SPMIP4: variants seen among roughly 807,000 people sequenced by gnomAD.
SPMIP4 encodes the protein sperm microtubule inner protein 4.
the SPMIP4 span, chr7:25,142,702 G>C: frequency 3.1e-6 from 5 of 1,613,176 alleles, no homozygotes; most frequent in East Asian, 1.1e-4. Flanking sequence ...TTGTATGTTG[G>C]CTTCTTTGGC....
chr7:25,142,854 C>T, the SPMIP4 span: 1 of 1,400,218 alleles, frequency 7.1e-7, no homozygotes. Flanking sequence ...TTAATGTCAT[C>T]TAGTAGAATA....
At chr7:25,144,196 T>C in the SPMIP4 span, among the ~76,000 whole-genome samples, 13 of 152,348 alleles carry the variant, frequency 8.5e-5, no homozygotes, top group African/African-American at 3.1e-4. Flanking sequence ...CAAATGGAAG[T>C]CTGTATTCCA....
At chr7:25,140,854 T>G in the SPMIP4 span, among the ~76,000 whole-genome samples, 6 of 152,234 alleles carry the variant, frequency 3.9e-5, no homozygotes, top group Non-Finnish European at 7.3e-5. Context: ...CCCAAAGTGC[T>G]AGGATTACAG....
chr7:25,173,617 G>A, the SPMIP4 span, among the ~76,000 whole-genome samples: 2 of 152,146 alleles, frequency 1.3e-5, no homozygotes, highest in Admixed American at 6.5e-5. This position sits in a 1 kb window ranked among gnomAD's most constrained non-coding sequence, Gnocchi z 4.4. Context: ...AGACCTCTAC[G>A]TCCTCCCTAG....
chr7:25,149,457 G>C, the SPMIP4 span, among the ~76,000 whole-genome samples: 1 of 152,160 alleles, frequency 6.6e-6, no homozygotes, highest in Admixed American at 6.5e-5. Flanking sequence ...AACTTGATTA[G>C]AGTTAGGGAT....
At chr7:25,159,255 G>C in the SPMIP4 span, among the ~76,000 whole-genome samples, 1 of 152,180 alleles carries the variant, frequency 6.6e-6, no homozygotes, top group South Asian at 2.1e-4. Context: ...TTCTACCTTT[G>C]CTCTGTGTTG....
chr7:25,158,483 T>G, the SPMIP4 span: 2 of 1,590,338 alleles, frequency 1.3e-6, no homozygotes, highest in Non-Finnish European at 1.7e-6. Flanking sequence ...AGAAGGAAAA[T>G]ATAAGTTATT....
the SPMIP4 span, among the ~76,000 whole-genome samples, chr7:25,146,915 C>G: frequency 6.6e-6 from 1 of 152,174 alleles, no homozygotes; most frequent in African/African-American, 2.4e-5. Flanking sequence ...AAAGCTAAGG[C>G]TAGACATTCA....
At chr7:25,134,149 A>C in the SPMIP4 span, among the ~76,000 whole-genome samples, 5 of 152,004 alleles carry the variant, frequency 3.3e-5, no homozygotes. Context: ...AATCCCAGCT[A>C]CTTGGGAGGC....
the SPMIP4 span, among the ~76,000 whole-genome samples, chr7:25,163,226 A>C: frequency 1.3e-5 from 2 of 152,248 alleles, no homozygotes; most frequent in South Asian, 4.1e-4. This position sits in a 1 kb window ranked among gnomAD's most constrained non-coding sequence, Gnocchi z 4.4. Context: ...AATTAAAAAC[A>C]ATGTACCCAT....
At chr7:25,129,357 C>G in the SPMIP4 span, among the ~76,000 whole-genome samples, 1 of 152,218 alleles carries the variant, frequency 6.6e-6, no homozygotes, top group Non-Finnish European at 1.5e-5. Context: ...CATCTACATG[C>G]TCCCTCTGGG....
chr7:25,142,332 C>A, the SPMIP4 span: 234 of 1,585,376 alleles, frequency 1.5e-4, no homozygotes, highest in Non-Finnish European at 1.9e-4. Flanking sequence ...GGGCCCCAGA[C>A]CTTAATGGAA....
chr7:25,128,348 C>T, the SPMIP4 span, among the ~76,000 whole-genome samples: 1 of 152,200 alleles, frequency 6.6e-6, no homozygotes, highest in Non-Finnish European at 1.5e-5. The surrounding 1 kb of genome is among the most constrained non-coding windows in gnomAD (Gnocchi z 4.5). Flanking sequence ...GGCTTGGGGT[C>T]GGGAACCTTA....
chr7:25,133,344 C>T, the SPMIP4 span, among the ~76,000 whole-genome samples: 2 of 152,164 alleles, frequency 1.3e-5, no homozygotes, highest in Non-Finnish European at 2.9e-5. Flanking sequence ...AGAATTAGCA[C>T]AGTTTTGTAC....
chr7:25,166,990 AC>A, the SPMIP4 span, among the ~76,000 whole-genome samples: 1 of 152,262 alleles, frequency 6.6e-6, no homozygotes, highest in African/African-American at 2.4e-5. Context: ...GAGATCATGC[AC>A]AAATATCATT....
At chr7:25,169,239 T>C in the SPMIP4 span, among the ~76,000 whole-genome samples, 2 of 151,948 alleles carry the variant, frequency 1.3e-5, no homozygotes, top group African/African-American at 4.8e-5. Flanking sequence ...TATAAATTTA[T>C]AATTAATTAA....
the SPMIP4 span, among the ~76,000 whole-genome samples, chr7:25,143,239 T>A: frequency 2.0e-5 from 3 of 152,208 alleles, no homozygotes; most frequent in Non-Finnish European, 4.4e-5. Context: ...TCCAATGAAG[T>A]TTAAATCACT....
the SPMIP4 span, chr7:25,136,727 G>C: frequency 2.5e-6 from 4 of 1,614,128 alleles, no homozygotes; most frequent in Non-Finnish European, 3.4e-6. This position sits in a 1 kb window ranked among gnomAD's most constrained non-coding sequence, Gnocchi z 5.7. Context: ...CGTCGGTTCT[G>C]AATTAATCGG....
the SPMIP4 span, chr7:25,135,719 G>T: frequency 3.9e-6 from 4 of 1,024,170 alleles, no homozygotes; most frequent in African/African-American, 6.7e-5. Flanking sequence ...CTGAAGATGA[G>T]AGATTAAAGA....
Sources: gnomAD v4.1 joint callset for allele counts (sites outside exome capture counted in the v4.1 genomes callset) on GRCh38, gnomAD v4.1.1 for gene constraint, Gnocchi (gnomAD v3.1) non-coding constraint, MANE v1.5 for transcripts, NCBI Gene and HGNC (gene_info 2026-07-23, HGNC 2026-07-21) for gene names.